Variants in TCF19 observed in about 807,000 individuals in gnomAD.
TCF19 encodes the protein transcription factor SC1.
A neutral mutation model predicts 18.3 loss-of-function variants in TCF19; 9 were observed. The observed-to-expected ratio is 0.49, with a 90% CI of 0.30 to 0.86. The LOEUF (loss-of-function observed/expected upper bound fraction) is 0.86, where lower values mean the gene tolerates loss of function less well. Ranked by LOEUF, TCF19 falls within the 40% of genes least tolerant of loss-of-function variation. The probability of loss-of-function intolerance (pLI) is 0.07; values close to 1 mark genes in which losing one functional copy is unlikely to be tolerated. For synonymous variants in TCF19, 176 were observed against 185.3 expected (o/e 0.95, Z 0.41); for missense variants, 376 against 464.3 (o/e 0.81, Z 1.75).
In TCF19 at chr6:31,159,322, T is replaced by C; in HGVS notation, c.-148T>C. On this transcript the variant is annotated 5_prime_UTR_variant, in exon 2 of 4. Coordinates refer to ENST00000376257, the MANE Select transcript of TCF19 (RefSeq NM_007109.3). ...GCACTCTGAATTTGGGCTATTCAGG[T>C]AGTGTGCTCAAAGTTGAAACCGCAT... 1 of 730,674 alleles carries C rather than the reference T, an allele frequency of 1.4e-6. No homozygotes were observed. Among genetic ancestry groups the C allele is most frequent in the East Asian group, 2.7e-5 (1 of 36,570 alleles). 45.3% of individuals were successfully genotyped at this position (730,674 alleles called of 1,614,324 possible).
At position 31,161,873 on chromosome 6, in the gene TCF19, A is replaced by G. The variant is rs749704788; in HGVS notation, c.665A>G (p.Asn222Ser). ...GTTPSAPPQRNRRKSVHRVLA... is the reference protein window; with the variant it reads ...GTTPSAPPQRSRRKSVHRVLA... ...ACGCCTTCTGCTCCACCACAACGCA[A>G]TCGGAGGAAATCTGTTCACCGAGTG... The change falls in exon 3 of 4, where the codon AAT (asparagine) becomes AGT (serine). Residue 222 changes from asparagine to serine, a missense_variant. Transcript: ENST00000376257. The G allele has an allele frequency of 2.3e-5, 37 of 1,612,940 alleles. 1 individual carries two copies. The South Asian group carries it at 3.7e-4, about 16-fold the overall frequency.
chr6:31,160,592 G>GA (rs892908155), intron 2 of TCF19, among the ~76,000 whole-genome samples: 27 of 150,356 alleles, frequency 1.8e-4, no homozygotes, highest in African/African-American at 3.9e-4. Flanking sequence ...CATCTGTGCT[G>GA]AAAAAAAAAT....
At chr6:31,160,572 G>T (rs1776697521) in intron 2 of TCF19, among the ~76,000 whole-genome samples, 1 of 151,802 alleles carries the variant, frequency 6.6e-6, no homozygotes, top group Non-Finnish European at 1.5e-5. Flanking sequence ...TGACCAACAT[G>T]TTGAAACCCC....
chr6:31,159,664 G>T lies in TCF19; in HGVS notation c.195G>T (p.Arg65=). Residue 65 remains arginine, a synonymous_variant, in exon 2 of 4, where the codon CGG becomes CGT. Transcript: ENST00000376257. The stretch of plus-strand genomic sequence containing the variant: ...ACGCCGAACTGCATGCCGAGCCCCG[G>T]GGTGATGACTGGAGGGTCAGCCTGG... ...GIHAELHAEP[R]GDDWRVSLED... 1 of 1,614,094 alleles carries T rather than the reference G, an allele frequency of 6.2e-7. No individual in the cohort carries two copies. Among genetic ancestry groups the T allele is most frequent in the African/African-American group, 1.3e-5 (1 of 75,070 alleles).
At position 31,163,989 on chromosome 6, in the gene TCF19, TAATAG is replaced by T; in HGVS notation, c.*1275_*1279del. On this transcript the variant is annotated 3_prime_UTR_variant, in exon 4 of 4. Coordinates refer to ENST00000376257, the MANE Select transcript of TCF19 (RefSeq NM_007109.3). ...CTGGTATCAAGAAAGCACAAAGTATTAATAGAAGTTTCTGGTTGGGGTGATCTAGG... is the reference window on the plus strand; with the variant it reads ...CTGGTATCAAGAAAGCACAAAGTATTAAGTTTCTGGTTGGGGTGATCTAGG... 2.0e-6 allele frequency: 2 copies of T among 989,776 alleles called. No homozygotes were observed. Among genetic ancestry groups the T allele is most frequent in the Non-Finnish European group, 2.4e-6 (2 of 832,586 alleles). 61.3% of individuals were successfully genotyped at this position (989,776 alleles called of 1,614,324 possible).
Position 31,161,532 on chromosome 6 carries a change from G to T in TCF19, c.324G>T (p.Gly108=). 2 of 1,569,772 alleles carry T rather than the reference G, an allele frequency of 1.3e-6. No individual in the cohort carries two copies. The highest frequency in any genetic ancestry group is 1.2e-5 in the South Asian group (1 of 83,534). Residue 108 remains glycine (G), a synonymous_variant, in exon 3 of 4, where the codon GGG becomes GGT. Transcript: ENST00000376257. ...ACCTCCTGACCTTTGGCCCTGAAGG[G>T]CCCCCAGGAACCAGCCCCTCGGAGT... is the stretch of plus-strand genomic sequence containing the variant. The part of the protein sequence containing the change: ...DGDLLTFGPE[G]PPGTSPSEFY...
At chr6:31,160,710 G>T (rs961349311) in intron 2 of TCF19, among the ~76,000 whole-genome samples, 1 of 152,110 alleles carries the variant, frequency 6.6e-6, no homozygotes, top group African/African-American at 2.4e-5. Context: ...AGTGAGCTGA[G>T]ATCGCACCAC....
chr6:31,162,183 A>AGAGGT lies in TCF19; in HGVS notation c.797+180_797+184dup, dbSNP rs1309509348. Among the ~76,000 whole-genome samples, 1 of 152,128 alleles carries AGAGGT rather than the reference A, an allele frequency of 6.6e-6. No homozygotes were observed. The highest frequency in any genetic ancestry group is 1.5e-5 in the Non-Finnish European group (1 of 68,014). On this transcript the variant is annotated intron_variant, in intron 3 of 3. Coordinates refer to ENST00000376257, the MANE Select transcript of TCF19 (RefSeq NM_007109.3). This position sits in a 1 kb window ranked among gnomAD's most constrained non-coding sequence, Gnocchi z 4.5. ...AGAAAAATATGTGCAGGAGAACATG[A>AGAGGT]GAGGTGGGGTGGGGCAGTGCTTATA...
Position 31,162,956 on chromosome 6 carries a change from G to A in TCF19, c.*239G>A. The stretch of plus-strand genomic sequence containing the variant: ...CCAGGAAATTGCCAGTGAGCTGGAA[G>A]TTCCCACTATTACAAGCCATAAGGC... On this transcript the variant is annotated 3_prime_UTR_variant, in exon 4 of 4. Transcript: ENST00000376257. This position sits in a 1 kb window ranked among gnomAD's most constrained non-coding sequence, Gnocchi z 4.5. 1 of 1,405,230 alleles carries A rather than the reference G, an allele frequency of 7.1e-7. No homozygotes were observed. The highest frequency in any genetic ancestry group is 9.2e-7 in the Non-Finnish European group (1 of 1,084,712). 87.0% of individuals were successfully genotyped at this position (1,405,230 alleles called of 1,614,324 possible).
At chr6:31,161,153 C>CAAAAA (rs527758123) in intron 2 of TCF19, among the ~76,000 whole-genome samples, 1 of 52,068 alleles carries the variant, frequency 1.9e-5, no homozygotes. Flanking sequence ...AACTCCATCT[C>CAAAAA]AAAAAAAAAA....
At position 31,162,433 on chromosome 6, in the gene TCF19, C is replaced by G. The variant is rs1279707018; in HGVS notation, c.798-44C>G. 6 of 1,569,708 alleles carry G rather than the reference C, an allele frequency of 3.8e-6. No individual in the cohort carries two copies. The highest frequency in any genetic ancestry group is 5.2e-6 in the Non-Finnish European group (6 of 1,157,988). On this transcript the variant is annotated intron_variant, in intron 3 of 3. Coordinates refer to ENST00000376257, the MANE Select transcript of TCF19 (RefSeq NM_007109.3). This position sits in a 1 kb window ranked among gnomAD's most constrained non-coding sequence, Gnocchi z 4.5. ...AGGGTGGCAAGGTCTAGGCCTTCTC[C>G]TACAGGTTTCCGGTGACCCTTGTGT... is the stretch of plus-strand genomic sequence containing the variant.
rs373459571 is a variant in TCF19 at position 31,162,589 on chromosome 6, A to G, written c.910A>G (p.Thr304Ala). 3 of 1,612,810 alleles carry G rather than the reference A, an allele frequency of 1.9e-6. No homozygotes were observed. Among genetic ancestry groups the G allele is most frequent in the Non-Finnish European group, 2.5e-6 (3 of 1,179,972 alleles). Reference protein sequence around the residue: ...APCCCLPQEETVAWVQCDGCD... With the variant: ...APCCCLPQEEAVAWVQCDGCD... ...TTGTTGCTGCCTGCCCCAGGAAGAG[A>G]CAGTGGCCTGGGTTCAGTGTGATGG... The change falls in exon 4 of 4, where the codon ACA (threonine) becomes GCA (alanine). Residue 304 changes from threonine to alanine, a missense_variant. Coordinates refer to ENST00000376257, the MANE Select transcript of TCF19 (RefSeq NM_007109.3). This position sits in a 1 kb window ranked among gnomAD's most constrained non-coding sequence, Gnocchi z 4.5.
At position 31,163,449 on chromosome 6, in the gene TCF19, A is replaced by T. The variant is rs916335783; in HGVS notation, c.*732A>T. 3 of 985,394 alleles carry T rather than the reference A, an allele frequency of 3.0e-6. No homozygotes were observed. The Admixed American group carries it at 1.8e-4, about 61-fold the overall frequency. 61.0% of individuals were successfully genotyped at this position (985,394 alleles called of 1,614,324 possible). A position where few individuals can be genotyped will look rare whatever the true frequency, so the allele number is the denominator to read the frequency against. On this transcript the variant is annotated 3_prime_UTR_variant, in exon 4 of 4. Coordinates refer to ENST00000376257, the MANE Select transcript of TCF19 (RefSeq NM_007109.3). ...AGGTTTCTAGTTTAAGGGAAAACAGATCTATTGCCATTTAAATAAGGTAAC... is the reference window on the plus strand; with the variant it reads ...AGGTTTCTAGTTTAAGGGAAAACAGTTCTATTGCCATTTAAATAAGGTAAC...
rs777438259 is a variant in TCF19 at position 31,162,481 on chromosome 6, C to T, written c.802C>T (p.Arg268Ter). Residue 268 changes from arginine (R) to a stop codon, truncating the protein, a stop_gained, in exon 4 of 4, where the codon CGA (arginine) becomes TGA (stop). Coordinates refer to ENST00000376257, the MANE Select transcript of TCF19 (RefSeq NM_007109.3). LOFTEE classifies it low-confidence loss of function (END_TRUNC). This position sits in a 1 kb window ranked among gnomAD's most constrained non-coding sequence, Gnocchi z 4.5. Reference sequence around the variant, plus strand: ...TGTCTGTGTCACTTCCTTCAGAAATCGACGTGGCCGTCCTCGGAAGTACCC... The same window carrying T: ...TGTCTGTGTCACTTCCTTCAGAAATTGACGTGGCCGTCCTCGGAAGTACCC... The part of the protein sequence containing the change: ...DKAPLTPTGN[R>*]RGRPRKYPVS... The T allele has an allele frequency of 5.6e-6, 9 of 1,606,292 alleles. No individual in the cohort carries two copies. The highest frequency in any genetic ancestry group is 2.2e-5 in the East Asian group (1 of 44,826).
intron 2 of TCF19, among the ~76,000 whole-genome samples, chr6:31,160,481 C>T (rs1271888706): frequency 2.0e-5 from 3 of 151,860 alleles, no homozygotes; most frequent in African/African-American, 7.3e-5. Context: ...AAAGCCTGGG[C>T]ACGGTGGCTC....
At chr6:31,161,307 G>A in intron 2 of TCF19, 140 bp from the exon 3 acceptor site, 1 of 618,322 alleles carries the variant, frequency 1.6e-6, no homozygotes. Context: ...CCTGTCACCT[G>A]CTGAGGGGCT....
rs1282720317 is a variant in TCF19, at chr6:31,161,774, C to T, written c.566C>T (p.Pro189Leu). The part of the protein sequence containing the change: ...IGSLSKLRPQ[P>L]LTFSPSWGGP... The stretch of plus-strand genomic sequence containing the variant: ...AGCCTCAGCAAGCTCCGGCCCCAGC[C>T]CCTCACCTTCTCCCCTAGTTGGGGT... Residue 189 changes from proline to leucine, a missense_variant, in exon 3 of 4, where the codon CCC (proline) becomes CTC (leucine). Transcript: ENST00000376257. 1.9e-6 allele frequency: 3 copies of T among 1,605,462 alleles called. No homozygotes were observed. Among genetic ancestry groups the T allele is most frequent in the Non-Finnish European group, 2.6e-6 (3 of 1,175,818 alleles).
Position 31,159,661 on chromosome 6 carries a change from CCGGGGTGATGA to C in TCF19, c.194_204del (p.Arg65LeufsTer17), listed in dbSNP as rs756958482. On this transcript the variant is annotated frameshift_variant, in exon 2 of 4. Transcript: ENST00000376257. LOFTEE classifies it high-confidence loss of function. ...TCCACGCCGAACTGCATGCCGAGCC[CCGGGGTGATGA>C]CTGGAGGGTCAGCCTGGAAGACCAC... The C allele has an allele frequency of 3.7e-6, 6 of 1,614,090 alleles. No homozygotes were observed. Among genetic ancestry groups the C allele is most frequent in the Non-Finnish European group, 4.2e-6 (5 of 1,180,036 alleles).
chr6:31,159,732 G>A, intron 2 of TCF19, 25 bp downstream of exon 2: 1 of 1,611,204 alleles, frequency 6.2e-7, no homozygotes, highest in Non-Finnish European at 8.5e-7. Flanking sequence ...GGGCAGCTTT[G>A]CCCCTGGGTG....
Sources: allele counts gnomAD v4.1 joint callset (sites outside exome capture counted in the v4.1 genomes callset), GRCh38; gene constraint gnomAD v4.1.1; non-coding constraint Gnocchi (gnomAD v3.1); transcripts MANE v1.5; gene names NCBI Gene and HGNC (gene_info 2026-07-23, HGNC 2026-07-21).